The following PSKH2 variants were observed in gnomAD, a reference collection of about 807,000 sequenced individuals.
PSKH2 encodes protein serine kinase H2, also known as serine/threonine-protein kinase H2.
In PSKH2, 16 loss-of-function variants were observed where a neutral mutation model predicts 22.5. The ratio of observed to expected loss-of-function variants is 0.71; its 90% CI spans 0.48 to 1.08. PSKH2 has a LOEUF of 1.08. PSKH2 is among the 50% of genes least tolerant of loss of function. The pLI is 0.00. For missense variants in PSKH2, 516 were observed against 492.8 expected (o/e 1.05, Z -0.44); for synonymous variants, 188 against 184.8 (o/e 1.02, Z -0.14).
Position 86,064,435 on chromosome 8 carries a change from C to G in PSKH2, c.382G>C (p.Glu128Gln), listed in dbSNP as rs761811648. 11 of 1,614,056 alleles carry G rather than the reference C, an allele frequency of 6.8e-6. No individual in the cohort carries two copies. Among genetic ancestry groups the G allele is most frequent in the Non-Finnish European group, 6.8e-6 (8 of 1,180,048 alleles). Residue 128 changes from glutamate to glutamine, a missense_variant, in exon 2 of 3, where the codon GAG becomes CAG. Coordinates refer to ENST00000276616, the MANE Select transcript of PSKH2 (RefSeq NM_033126.3). ...RYIVQLMEIF[E>Q]TEDQVYMVME... ...ACCATGTAAACTTGATCCTCAGTCT[C>G]AAAGATCTCCATGAGCTGGACAATG...
intron 2 of PSKH2, 72 bp downstream of exon 2, chr8:86,063,893 A>T (rs1363863470): frequency 8.1e-7 from 1 of 1,241,024 alleles, no homozygotes; most frequent in East Asian, 2.4e-5. Flanking sequence ...CCAGTCTTAA[A>T]TGTCAAAAGT....
chr8:86,049,018 C>G (rs1817572987), intron 2 of PSKH2, among the ~76,000 whole-genome samples: 1 of 152,110 alleles, frequency 6.6e-6, no homozygotes, highest in South Asian at 2.1e-4. Flanking sequence ...AACTCTTTGT[C>G]CAATGAGTGA....
chr8:86,069,627 G>T lies in PSKH2; in HGVS notation c.-5C>A, dbSNP rs572955878. ...CCTGCTGGCGCCGCACCCCATACCCGCAACACGCCCGCCGCTCGCGGGACC... is the reference window on the plus strand; with the variant it reads ...CCTGCTGGCGCCGCACCCCATACCCTCAACACGCCCGCCGCTCGCGGGACC... On this transcript the variant is annotated 5_prime_UTR_variant, in exon 1 of 3. Transcript: ENST00000276616. 6.5e-7 allele frequency: 1 copy of T among 1,542,818 alleles called. No individual in the cohort carries two copies. The highest frequency in any genetic ancestry group is 8.7e-7 in the Non-Finnish European group (1 of 1,149,908).
chr8:86,068,966 A>G (rs141275352), intron 1 of PSKH2, among the ~76,000 whole-genome samples: 1,624 of 152,282 alleles, frequency 0.011, 28 homozygotes, highest in African/African-American at 0.037. Flanking sequence ...TATGGAACAC[A>G]GCAAGGAAGG....
intron 2 of PSKH2, among the ~76,000 whole-genome samples, chr8:86,053,769 T>C (rs574967272): frequency 1.3e-3 from 195 of 151,886 alleles, no homozygotes; most frequent in Non-Finnish European, 1.5e-3. Flanking sequence ...GGACCAGGAG[T>C]GGTGGCTCAT....
At chr8:86,065,384 A>G (rs2130170189) in intron 1 of PSKH2, among the ~76,000 whole-genome samples, 1 of 152,318 alleles carries the variant, frequency 6.6e-6, no homozygotes, top group East Asian at 1.9e-4. Flanking sequence ...GAGTAGTGTT[A>G]GGGCCACCTT....
chr8:86,069,560 G>A lies in PSKH2; in HGVS notation c.63C>T (p.His21=). ...CGACGCCGGCTTGGTTTTGACCTTC[G>A]TGCTTGGCCCAAGCCAGCGCTGGTG... The part of the protein sequence containing the change: ...PGPPALAWAK[H]EGQNQAGVGG... The change falls in exon 1 of 3, where the codon CAC becomes CAT. Residue 21 remains histidine (H), a synonymous_variant. Transcript: ENST00000276616. 1.2e-6 allele frequency: 2 copies of A among 1,607,504 alleles called. No individual in the cohort carries two copies. The highest frequency in any genetic ancestry group is 1.3e-5 in the African/African-American group (1 of 74,836).
chr8:86,049,742 GAAA>G (rs1158439766), intron 2 of PSKH2, among the ~76,000 whole-genome samples: 4,167 of 24,936 alleles, frequency 0.17, 477 homozygotes, highest in East Asian at 0.36. Context: ...AAGAAAGAAA[GAAA>G]GAAACGAAAG....
At chr8:86,056,163 A>T (rs1330362515) in intron 2 of PSKH2, among the ~76,000 whole-genome samples, 1 of 151,948 alleles carries the variant, frequency 6.6e-6, no homozygotes, top group African/African-American at 2.4e-5. Flanking sequence ...TGCGTGGCAC[A>T]TACCTGTAGT....
intron 2 of PSKH2, among the ~76,000 whole-genome samples, chr8:86,054,948 C>T (rs1394580110): frequency 6.6e-6 from 1 of 152,022 alleles, no homozygotes; most frequent in Admixed American, 6.6e-5. Flanking sequence ...GTTCCATTTT[C>T]TCCAAAGAAA....
At chr8:86,052,881 G>A (rs1817653113) in intron 2 of PSKH2, among the ~76,000 whole-genome samples, 1 of 151,850 alleles carries the variant, frequency 6.6e-6, no homozygotes, top group South Asian at 2.1e-4. Flanking sequence ...TCTTCCTCTG[G>A]TTCTTTGCCT....
intron 2 of PSKH2, among the ~76,000 whole-genome samples, chr8:86,052,415 A>G (rs767408201): frequency 2.4e-4 from 37 of 152,212 alleles, no homozygotes; most frequent in Non-Finnish European, 4.6e-4. Flanking sequence ...TGGACTAGAC[A>G]GGCAGTCTGA....
chr8:86,050,137 T>C (rs1356449805), intron 2 of PSKH2, among the ~76,000 whole-genome samples: 2 of 152,232 alleles, frequency 1.3e-5, no homozygotes, highest in Admixed American at 6.5e-5. Context: ...CACTTCATAG[T>C]GGCATTTCTG....
chr8:86,048,835 C>T (rs972545422), intron 2 of PSKH2, 68 bp from the exon 3 acceptor site: 3 of 1,321,646 alleles, frequency 2.3e-6, no homozygotes, highest in Non-Finnish European at 3.1e-6. Flanking sequence ...CACAAAGAAT[C>T]CTATTCTTAA....
At chr8:86,052,021 T>C (rs1360090164) in intron 2 of PSKH2, among the ~76,000 whole-genome samples, 2 of 152,214 alleles carry the variant, frequency 1.3e-5, no homozygotes, top group Non-Finnish European at 2.9e-5. Flanking sequence ...TAAAATTGAT[T>C]TTCATCTATG....
chr8:86,063,920 C>T lies in PSKH2; in HGVS notation c.852+45G>A, dbSNP rs116651595. ...GTCAAAAGTGACAAGGTGGAGAAGC[C>T]CCACTCTAAACCAACACAATAGAAA... On this transcript the variant is annotated intron_variant, in intron 2 of 2. Transcript: ENST00000276616. The T allele has an allele frequency of 2.2e-3, 3,218 of 1,469,230 alleles. 64 individuals carry two copies. The African/African-American group carries it at 0.037, about 17-fold the overall frequency. 91.0% of individuals were successfully genotyped at this position (1,469,230 alleles called of 1,614,324 possible). A position where few individuals can be genotyped will look rare whatever the true frequency, so the allele number is the denominator to read the frequency against.
At position 86,064,226 on chromosome 8, in the gene PSKH2, C is replaced by T. The variant is rs1352173451; in HGVS notation, c.591G>A (p.Glu197=). Reference sequence around the variant, plus strand: ...CAAAATCTGTAATTAAAATTTTCGACTCTTCACCTGGATGATAGTATAAGA... The same window carrying T: ...CAAAATCTGTAATTAAAATTTTCGATTCTTCACCTGGATGATAGTATAAGA... ...ENLLYYHPGE[E]SKILITDFGL... Residue 197 remains glutamate (E), a synonymous_variant, in exon 2 of 3, where the codon GAG becomes GAA. Transcript: ENST00000276616. 2 of 1,614,042 alleles carry T rather than the reference C, an allele frequency of 1.2e-6. No homozygotes were observed. The highest frequency in any genetic ancestry group is 1.7e-5 in the Admixed American group (1 of 59,996).
intron 2 of PSKH2, among the ~76,000 whole-genome samples, chr8:86,059,046 C>A (rs2130158001): frequency 6.6e-6 from 1 of 152,242 alleles, no homozygotes; most frequent in East Asian, 1.9e-4. Flanking sequence ...CTCAAGCAAT[C>A]TGCCCACCTC....
At chr8:86,063,934 A>C in intron 2 of PSKH2, 31 bp downstream of exon 2, 1 of 1,560,552 alleles carries the variant, frequency 6.4e-7, no homozygotes, top group South Asian at 1.2e-5. Context: ...CTCTAAACCA[A>C]CACAATAGAA....
Sources: allele counts gnomAD v4.1 joint callset (sites outside exome capture counted in the v4.1 genomes callset), GRCh38; gene constraint gnomAD v4.1.1; transcripts MANE v1.5; gene names NCBI Gene and HGNC (gene_info 2026-07-23, HGNC 2026-07-21).